The following TBXAS1 variants were observed in gnomAD, a reference collection of about 807,000 sequenced individuals.
TBXAS1 encodes thromboxane A synthase 1, also known as thromboxane-A synthase.
Under a neutral mutation model 60.7 loss-of-function variants are expected in TBXAS1, and 48 were observed. The observed-to-expected ratio is 0.79, with a 90% CI of 0.63 to 1.01. TBXAS1 has a LOEUF of 1.01. Among genes scored for constraint, TBXAS1 ranks in the 50% least tolerant of loss-of-function variants. The probability of loss-of-function intolerance (pLI) is 0.00; values close to 1 mark genes in which losing one functional copy is unlikely to be tolerated. For missense variants in TBXAS1, 685 were observed against 686.3 expected, an observed-to-expected ratio of 1.00 and a Z score of 0.02; for synonymous variants, 287 against 269.7, an observed-to-expected ratio of 1.06 and a Z score of -0.63.
intron 4 of TBXAS1, among the ~76,000 whole-genome samples, chr7:139,807,934 CA>C (rs2116386596): frequency 6.6e-6 from 1 of 152,308 alleles, no homozygotes; most frequent in Admixed American, 6.5e-5. Context: ...CCATCACCGC[CA>C]ATCTCAAACT....
intron 1 of TBXAS1, among the ~76,000 whole-genome samples, chr7:139,861,920 C>T (rs750490078): frequency 6.6e-6 from 1 of 152,182 alleles, no homozygotes; most frequent in Admixed American, 6.5e-5. Flanking sequence ...CCAGGCATCA[C>T]GTTGCCCAAA....
chr7:139,954,201 A>G (rs578098033), intron 6 of TBXAS1, among the ~76,000 whole-genome samples: 1 of 152,212 alleles, frequency 6.6e-6, no homozygotes, highest in Non-Finnish European at 1.5e-5. Context: ...TCATCCAGAA[A>G]TTTATTCATT....
intron 9 of TBXAS1, among the ~76,000 whole-genome samples, chr7:139,964,880 G>T (rs981143154): frequency 9.8e-5 from 15 of 152,322 alleles, no homozygotes; most frequent in African/African-American, 3.4e-4. Flanking sequence ...TATAACCATA[G>T]TCACATCCAG....
chr7:139,968,276 T>TTTTTTGTTTG (rs1321664286), intron 9 of TBXAS1, among the ~76,000 whole-genome samples: 2 of 152,136 alleles, frequency 1.3e-5, no homozygotes, highest in African/African-American at 4.8e-5. Flanking sequence ...TACAATCCAC[T>TTTTTTGTTTG]TTTTTGTTTG....
At chr7:139,970,201 G>GGAGT (rs1811091494) in intron 9 of TBXAS1, among the ~76,000 whole-genome samples, 1 of 152,206 alleles carries the variant, frequency 6.6e-6, no homozygotes, top group South Asian at 2.1e-4. Flanking sequence ...CCATCTCCCA[G>GGAGT]GATTAAGTGA....
intron 9 of TBXAS1, 134 bp from the exon 10 acceptor site, chr7:140,006,957 A>C: frequency 1.1e-6 from 1 of 888,042 alleles, no homozygotes. Flanking sequence ...GGTCATACCG[A>C]CTTTCCATTT....
At chr7:139,883,430 C>T (rs1802845981) in intron 3 of TBXAS1, among the ~76,000 whole-genome samples, 1 of 152,144 alleles carries the variant, frequency 6.6e-6, no homozygotes, top group Non-Finnish European at 1.5e-5. Context: ...TCATTTCCCC[C>T]CATCCTCTTT....
At chr7:139,843,362 A>ATT (rs1799593615) in intron 1 of TBXAS1, among the ~76,000 whole-genome samples, 1 of 144,822 alleles carries the variant, frequency 6.9e-6, no homozygotes, top group South Asian at 2.2e-4. Flanking sequence ...ATTTATTTAG[A>ATT]GATGGAGTCT....
At chr7:139,809,268 T>A (rs987621252) in intron 4 of TBXAS1, among the ~76,000 whole-genome samples, 1 of 139,378 alleles carries the variant, frequency 7.2e-6, no homozygotes, top group African/African-American at 2.6e-5. Context: ...GATAGATAGA[T>A]AGAACCAATA....
Position 139,913,324 on chromosome 7 carries a change from C to T in TBXAS1, c.333+2003C>T. ...AGCTGTAGCTTGTTGCTCCATCAGC[C>T]TCAGCAAGGAGTGCTGATTAAAGAA... On this transcript the variant is annotated intron_variant, in intron 4 of 12. Transcript: ENST00000448866. The T allele has an allele frequency of 6.8e-6, 4 of 585,300 alleles. No individual in the cohort carries two copies. In the South Asian group the frequency reaches 7.9e-5, roughly 12 times the overall value. 36.3% of individuals were successfully genotyped at this position (585,300 alleles called of 1,614,324 possible).
chr7:139,892,242 G>A (rs1193378586), intron 3 of TBXAS1, among the ~76,000 whole-genome samples: 1 of 152,186 alleles, frequency 6.6e-6, no homozygotes, highest in Non-Finnish European at 1.5e-5. Flanking sequence ...TCTTAGCTCA[G>A]CTATCCCTAC....
chr7:139,781,660 C>G (rs747905779), intron 2 of TBXAS1, among the ~76,000 whole-genome samples: 2 of 151,846 alleles, frequency 1.3e-5, no homozygotes, highest in Non-Finnish European at 2.9e-5. Context: ...GATGAAACTC[C>G]ATCTCTACTA....
At chr7:139,982,890 C>T (rs1812066661) in intron 9 of TBXAS1, among the ~76,000 whole-genome samples, 1 of 152,112 alleles carries the variant, frequency 6.6e-6, no homozygotes, top group Non-Finnish European at 1.5e-5. Flanking sequence ...TGTGGCCAAA[C>T]TCGAAATAAA....
chr7:139,805,287 A>G (rs1797820067), intron 4 of TBXAS1, among the ~76,000 whole-genome samples: 1 of 152,272 alleles, frequency 6.6e-6, no homozygotes, highest in Admixed American at 6.5e-5. Flanking sequence ...GGGCTCAGTT[A>G]AGAAAGTTAT....
In TBXAS1 at chr7:139,893,317, A is replaced by G. The variant is rs1803793747; in HGVS notation, c.236+17680A>G. 3.5e-5 allele frequency among the ~76,000 whole-genome samples: 4 copies of G among 114,634 alleles called. No individual in the cohort carries two copies. In the East Asian group the frequency reaches 7.7e-4, roughly 22 times the overall value. 75.2% of individuals were successfully genotyped at this position (114,634 alleles called of 152,430 possible). ...CAAATATATGTCCTGCACATATTCTATGGAATAGACACACACACACACACA... is the reference window on the plus strand; with the variant it reads ...CAAATATATGTCCTGCACATATTCTGTGGAATAGACACACACACACACACA... On this transcript the variant is annotated intron_variant, in intron 3 of 12. Coordinates refer to ENST00000448866, the MANE Select transcript of TBXAS1 (RefSeq NM_001061.7).
At chr7:139,905,035 C>CT (rs1182147735) in intron 3 of TBXAS1, among the ~76,000 whole-genome samples, 1 of 86,636 alleles carries the variant, frequency 1.2e-5, no homozygotes, top group African/African-American at 5.4e-5. Flanking sequence ...TTCTTTCTTT[C>CT]TTTCTTTCTT....
At chr7:139,952,535 T>G (rs200331756) in intron 5 of TBXAS1, 3 of 1,536,504 alleles carry the variant, frequency 2.0e-6, no homozygotes, top group African/African-American at 1.4e-5. Flanking sequence ...AAAATGATTC[T>G]GCTCGATATT....
chr7:139,989,816 G>A (rs997154680), intron 9 of TBXAS1, among the ~76,000 whole-genome samples: 8 of 152,166 alleles, frequency 5.3e-5, no homozygotes, highest in African/African-American at 1.4e-4. Flanking sequence ...TGGTCACTCC[G>A]ATGCCATGGT....
chr7:139,847,082 A>G (rs1161470995), intron 1 of TBXAS1, among the ~76,000 whole-genome samples: 1 of 152,198 alleles, frequency 6.6e-6, no homozygotes, highest in East Asian at 1.9e-4. Flanking sequence ...TAGTCCATTG[A>G]TGGCATCTGT....
Sources: gnomAD v4.1 joint callset for allele counts (sites outside exome capture counted in the v4.1 genomes callset) on GRCh38, gnomAD v4.1.1 for gene constraint, MANE v1.5 for transcripts, NCBI Gene and HGNC (gene_info 2026-07-23, HGNC 2026-07-21) for gene names.